SLC24A2: variants seen among roughly 807,000 people sequenced by gnomAD.
SLC24A2 encodes solute carrier family 24 member 2, also known as sodium/potassium/calcium exchanger 2.
A neutral mutation model predicts 62.0 loss-of-function variants in SLC24A2; 36 were observed. The observed-to-expected ratio is 0.58, with a 90% CI of 0.44 to 0.77. The LOEUF is 0.77. Among genes scored for constraint, SLC24A2 ranks in the 30% least tolerant of loss-of-function variants. The pLI, the probability that SLC24A2 is intolerant of heterozygous loss-of-function variation, is 0.00. For synonymous variants in SLC24A2, 358 were observed against 294.0 expected (o/e 1.22, Z -2.23); for missense variants, 846 against 817.9 (o/e 1.03, Z -0.42).
chr9:20,153,655 T>A, the SLC24A2 span, among the ~76,000 whole-genome samples: 1 of 151,916 alleles, frequency 6.6e-6, no homozygotes, highest in African/African-American at 2.4e-5. Context: ...TTAGGGAAGC[T>A]TTCCTAATAT....
At chr9:19,823,709 G>A in the SLC24A2 span, among the ~76,000 whole-genome samples, 1 of 152,016 alleles carries the variant, frequency 6.6e-6, no homozygotes, top group East Asian at 1.9e-4. Context: ...AGCCCATATA[G>A]CCAACACAGT....
At chr9:20,108,003 A>G in the SLC24A2 span, among the ~76,000 whole-genome samples, 2 of 152,164 alleles carry the variant, frequency 1.3e-5, no homozygotes, top group African/African-American at 4.8e-5. Flanking sequence ...AATTTACAAG[A>G]AAAAAACAAA....
chr9:19,856,520 A>G, the SLC24A2 span, among the ~76,000 whole-genome samples: 1 of 151,134 alleles, frequency 6.6e-6, no homozygotes, highest in South Asian at 2.1e-4. Flanking sequence ...ATCTGTTTTT[A>G]TTTTAACAGG....
At chr9:20,025,119 G>A in the SLC24A2 span, among the ~76,000 whole-genome samples, 1 of 152,086 alleles carries the variant, frequency 6.6e-6, no homozygotes, top group Non-Finnish European at 1.5e-5. Flanking sequence ...CTTAACCAAA[G>A]TTCACTTTGG....
chr9:20,020,480 C>T, the SLC24A2 span, among the ~76,000 whole-genome samples: 1 of 152,062 alleles, frequency 6.6e-6, no homozygotes, highest in Non-Finnish European at 1.5e-5. Flanking sequence ...AACAGAAAAC[C>T]AAACACTGCA....
the SLC24A2 span, among the ~76,000 whole-genome samples, chr9:19,880,198 GAT>G: frequency 1.3e-5 from 2 of 152,296 alleles, no homozygotes; most frequent in South Asian, 4.1e-4. Context: ...GAGGTAGCAT[GAT>G]ATGTGTTCTT....
chr9:20,222,619 C>G, the SLC24A2 span, among the ~76,000 whole-genome samples: 1 of 151,988 alleles, frequency 6.6e-6, no homozygotes, highest in Non-Finnish European at 1.5e-5. Flanking sequence ...AGCAAATGAT[C>G]TGGCAGAGTG....
the SLC24A2 span, among the ~76,000 whole-genome samples, chr9:20,098,773 A>C: frequency 1.3e-5 from 2 of 152,232 alleles, no homozygotes; most frequent in Non-Finnish European, 2.9e-5. Flanking sequence ...CACAGGACGA[A>C]GGGAAAGATA....
chr9:19,895,793 C>T, the SLC24A2 span: 1 of 1,587,972 alleles, frequency 6.3e-7, no homozygotes, highest in Admixed American at 1.8e-5. Context: ...GTGGCCTGTG[C>T]CTGTCATCTG....
chr9:19,531,536 C>CTT (rs748588738), intron 8 of SLC24A2, among the ~76,000 whole-genome samples: 4 of 152,162 alleles, frequency 2.6e-5, no homozygotes, highest in African/African-American at 7.2e-5. Flanking sequence ...TGATTAGAAG[C>CTT]TTTTGGTACA....
the SLC24A2 span, among the ~76,000 whole-genome samples, chr9:20,113,184 C>T: frequency 2.5e-4 from 38 of 152,244 alleles, no homozygotes; most frequent in Admixed American, 9.2e-4. Context: ...CAAGAAATCA[C>T]TCCAGGTCTT....
chr9:19,642,592 A>C (rs1034233347), intron 2 of SLC24A2, among the ~76,000 whole-genome samples: 7 of 151,642 alleles, frequency 4.6e-5, no homozygotes, highest in Admixed American at 1.3e-4. Context: ...TCCTGCTTAC[A>C]TTGACCAAAT....
chr9:20,025,429 A>G, the SLC24A2 span, among the ~76,000 whole-genome samples: 16 of 152,324 alleles, frequency 1.1e-4, no homozygotes, highest in African/African-American at 3.8e-4. Context: ...TTAAGCTACA[A>G]ATTAATCAGG....
intron 5 of SLC24A2, among the ~76,000 whole-genome samples, chr9:19,596,297 T>C (rs1563988565): frequency 6.6e-6 from 1 of 152,230 alleles, no homozygotes; most frequent in South Asian, 2.1e-4. Context: ...AAGAATAAGA[T>C]GAACTGATTC....
the SLC24A2 span, among the ~76,000 whole-genome samples, chr9:19,856,745 T>C: frequency 4.6e-5 from 7 of 152,186 alleles, no homozygotes; most frequent in Admixed American, 4.6e-4. Context: ...CAGTGCCTGT[T>C]GGAGGGTCCC....
intron 2 of SLC24A2, among the ~76,000 whole-genome samples, chr9:19,656,265 G>A (rs4977313): frequency 0.75 from 114,173 of 152,122 alleles, 42,954 homozygotes; most frequent in East Asian, 0.86. Context: ...AAAAAATGAA[G>A]ATGGAAATAC....
chr9:20,283,119 T>C, the SLC24A2 span, among the ~76,000 whole-genome samples: 1 of 152,356 alleles, frequency 6.6e-6, no homozygotes, highest in African/African-American at 2.4e-5. Flanking sequence ...GTGCTGGATA[T>C]TACCACTTAG....
chr9:19,913,196 G>A, the SLC24A2 span, among the ~76,000 whole-genome samples: 1 of 151,992 alleles, frequency 6.6e-6, no homozygotes, highest in Non-Finnish European at 1.5e-5. Flanking sequence ...CAAGATCTAT[G>A]ACCAGTTTTT....
chr9:20,243,326 CAGAA>C, the SLC24A2 span, among the ~76,000 whole-genome samples: 1 of 152,088 alleles, frequency 6.6e-6, no homozygotes, highest in Non-Finnish European at 1.5e-5. Context: ...AACACATAAG[CAGAA>C]TGCTGACATA....
Sources: allele counts gnomAD v4.1 joint callset (sites outside exome capture counted in the v4.1 genomes callset), GRCh38; gene constraint gnomAD v4.1.1; transcripts MANE v1.5; gene names NCBI Gene and HGNC (gene_info 2026-07-23, HGNC 2026-07-21).